CUTC: variants seen among roughly 807,000 people sequenced by gnomAD.
The protein encoded by CUTC is cutC copper transporter, also known as copper homeostasis protein cutC homolog.
A neutral mutation model predicts 36.2 loss-of-function variants in CUTC; 27 were observed. That is an observed-to-expected ratio of 0.75 (90% CI 0.55 to 1.03). CUTC has a LOEUF of 1.03. CUTC is among the 50% of genes least tolerant of loss of function. CUTC has a pLI of 0.00. For synonymous variants in CUTC, 114 were observed against 118.3 expected (o/e 0.96, Z 0.24); for missense variants, 315 against 343.5 (o/e 0.92, Z 0.66).
intron 6 of CUTC, 76 bp downstream of exon 6, chr10:99,747,466 G>C (rs760309685): frequency 8.6e-5 from 133 of 1,552,976 alleles, no homozygotes; most frequent in Non-Finnish European, 1.1e-4. Context: ...TAGCCAGTTT[G>C]TGAGACTATA....
At position 99,743,254 on chromosome 10, in the gene CUTC, A is replaced by G. The variant is rs757040037; in HGVS notation, c.295A>G (p.Met99Val). ...GTATTCAGATCGTGAAATTGAGGTGATGAAGGCTGACATTCGTCTTGCCAA... is the reference window on the plus strand; with the variant it reads ...GTATTCAGATCGTGAAATTGAGGTGGTGAAGGCTGACATTCGTCTTGCCAA... ...FLYSDREIEVMKADIRLAKLY... is the reference protein window; with the variant it reads ...FLYSDREIEVVKADIRLAKLY... Residue 99 changes from methionine to valine, a missense_variant, in exon 4 of 9, where the codon ATG (methionine) becomes GTG (valine). Transcript: ENST00000370476. 16 of 1,614,046 alleles carry G rather than the reference A, an allele frequency of 9.9e-6. No homozygotes were observed. The Admixed American group carries it at 2.7e-4, about 27-fold the overall frequency.
At chr10:99,755,589 A>G in intron 8 of CUTC, 36 bp from the exon 9 acceptor site, 1 of 1,408,836 alleles carries the variant, frequency 7.1e-7, no homozygotes, top group Non-Finnish European at 1.0e-6. Flanking sequence ...CCATTTAATA[A>G]CATAATTATC....
intron 7 of CUTC, among the ~76,000 whole-genome samples, chr10:99,753,828 G>A (rs10786569): frequency 0.4 from 60,862 of 151,894 alleles, 12,382 homozygotes; most frequent in East Asian, 0.61. Context: ...AATGGCTTGA[G>A]ATACAAAGTA....
At chr10:99,745,518 T>A (rs1373620186) in intron 5 of CUTC, among the ~76,000 whole-genome samples, 1 of 152,206 alleles carries the variant, frequency 6.6e-6, no homozygotes, top group African/African-American at 2.4e-5. Flanking sequence ...AGTTTCCTGA[T>A]ACCACTTTAC....
chr10:99,752,341 C>T (rs1000370250), intron 7 of CUTC, among the ~76,000 whole-genome samples: 1 of 151,118 alleles, frequency 6.6e-6, no homozygotes, highest in Non-Finnish European at 1.5e-5. Flanking sequence ...GATCGCACCA[C>T]TGCACTGCAG....
intron 7 of CUTC, among the ~76,000 whole-genome samples, chr10:99,753,287 T>G (rs1366193012): frequency 6.6e-6 from 1 of 152,202 alleles, no homozygotes; most frequent in African/African-American, 2.4e-5. Context: ...TTATCCCTCT[T>G]TTATTGGCAA....
At chr10:99,740,894 T>C (rs920013738) in intron 3 of CUTC, among the ~76,000 whole-genome samples, 2 of 152,226 alleles carry the variant, frequency 1.3e-5, no homozygotes, top group African/African-American at 4.8e-5. Context: ...TATGTTTTCA[T>C]CTCATACATT....
chr10:99,747,598 T>A (rs974723224), intron 6 of CUTC, among the ~76,000 whole-genome samples: 7 of 152,258 alleles, frequency 4.6e-5, no homozygotes, highest in African/African-American at 1.7e-4. Flanking sequence ...TACATATAGA[T>A]AGTGCCTAAA....
intron 5 of CUTC, 142 bp from the exon 6 acceptor site, chr10:99,747,115 C>G: frequency 1.1e-6 from 1 of 876,724 alleles, no homozygotes. Flanking sequence ...ATCTGACTTG[C>G]AGAATTCTTG....
chr10:99,739,814 G>C, intron 3 of CUTC, 45 bp downstream of exon 3: 1 of 1,530,648 alleles, frequency 6.5e-7, no homozygotes, highest in Non-Finnish European at 8.9e-7. Flanking sequence ...AGTTCATAGA[G>C]CCTGGAAGCA....
intron 3 of CUTC, among the ~76,000 whole-genome samples, chr10:99,741,071 A>G (rs2037337533): frequency 1.3e-5 from 2 of 152,208 alleles, no homozygotes; most frequent in Admixed American, 6.5e-5. Context: ...ATCTAATAAT[A>G]TATCTTATTT....
chr10:99,742,190 T>G (rs1469516227), intron 3 of CUTC, among the ~76,000 whole-genome samples: 1 of 152,196 alleles, frequency 6.6e-6, no homozygotes, highest in African/African-American at 2.4e-5. Context: ...CACTGTTTCA[T>G]ATATTTTGTC....
chr10:99,735,802 C>A (rs1306531550), intron 1 of CUTC, among the ~76,000 whole-genome samples: 1 of 152,186 alleles, frequency 6.6e-6, no homozygotes, highest in Non-Finnish European at 1.5e-5. Flanking sequence ...TAAAATCTAC[C>A]TTGTTTTATA....
At chr10:99,733,410 A>G (rs1288752302) in intron 1 of CUTC, among the ~76,000 whole-genome samples, 1 of 152,216 alleles carries the variant, frequency 6.6e-6, no homozygotes, top group African/African-American at 2.4e-5. Context: ...TTGAAAAAGA[A>G]ATATTCCTAA....
At chr10:99,743,001 C>G (rs2037351712) in intron 3 of CUTC, 152 bp from the exon 4 acceptor site, 2 of 665,856 alleles carry the variant, frequency 3.0e-6, no homozygotes, top group Non-Finnish European at 5.1e-6. Context: ...TCTATTTAAC[C>G]CTTTGCTATT....
intron 1 of CUTC, 47 bp downstream of exon 1, chr10:99,732,456 G>C: frequency 6.5e-7 from 1 of 1,547,940 alleles, no homozygotes; most frequent in South Asian, 1.2e-5. Flanking sequence ...AGGCTCCCCG[G>C]GGCGGGCCGG....
Position 99,743,434 on chromosome 10 carries a change from A to G in CUTC, c.403+72A>G, listed in dbSNP as rs1372894417. 7.2e-6 allele frequency: 10 copies of G among 1,379,972 alleles called. 1 individual carries two copies. The East Asian group carries it at 1.4e-4, about 19-fold the overall frequency. The allele number at this position is 1,379,972 out of a possible 1,614,324, so 85.5% of individuals were successfully genotyped here. A position where few individuals can be genotyped will look rare whatever the true frequency, so the allele number is the denominator to read the frequency against. ...TTTATGCTCACAATATAGAAAAACA[A>G]CATCACAAAACTGACTTTGCGGTCA... On this transcript the variant is annotated intron_variant, in intron 4 of 8. Coordinates refer to ENST00000370476, the MANE Select transcript of CUTC (RefSeq NM_015960.3).
At chr10:99,740,580 G>A (rs2133667557) in intron 3 of CUTC, among the ~76,000 whole-genome samples, 1 of 151,666 alleles carries the variant, frequency 6.6e-6, no homozygotes, top group Middle Eastern at 3.4e-3. Context: ...TATTGGTTTT[G>A]AACAATTTTC....
chr10:99,747,163 T>C (rs1156511196), intron 5 of CUTC, 94 bp from the exon 6 acceptor site: 1 of 1,381,994 alleles, frequency 7.2e-7, no homozygotes, highest in Non-Finnish European at 1.0e-6. Context: ...CAGTACAAGC[T>C]AGGTCCAGCA....
Sources: gnomAD v4.1 joint callset for allele counts (sites outside exome capture counted in the v4.1 genomes callset) on GRCh38, gnomAD v4.1.1 for gene constraint, MANE v1.5 for transcripts, NCBI Gene and HGNC (gene_info 2026-07-23, HGNC 2026-07-21) for gene names.